The following ERBB4 variants were observed in gnomAD, a reference collection of about 807,000 sequenced individuals.
ERBB4 encodes the protein receptor tyrosine-protein kinase erbB-4.
ERBB4 carries 42 observed loss-of-function variants against 158.0 expected under a neutral mutation model. That is an observed-to-expected ratio of 0.27 (90% confidence interval 0.21 to 0.34). The LOEUF (loss-of-function observed/expected upper bound fraction) is 0.34. Among genes scored for constraint, ERBB4 ranks in the 10% least tolerant of loss-of-function variants. ERBB4 has a pLI of 1.00. For synonymous variants in ERBB4, 583 were observed against 558.7 expected, an observed-to-expected ratio of 1.04 and a Z score of -0.61; for missense variants, 1,333 against 1,624.1, an observed-to-expected ratio of 0.82 and a Z score of 3.08.
At chr2:211,887,608 A>C (rs1228230880) in intron 3 of ERBB4, among the ~76,000 whole-genome samples, 1 of 152,196 alleles carries the variant, frequency 6.6e-6, no homozygotes, top group Non-Finnish European at 1.5e-5. Flanking sequence ...ATACCTAATT[A>C]TGTTTCTTCA....
chr2:212,032,201 C>T (rs924338016), intron 2 of ERBB4, among the ~76,000 whole-genome samples: 4 of 151,974 alleles, frequency 2.6e-5, no homozygotes, highest in Admixed American at 6.6e-5. Context: ...CAGTGAGTTA[C>T]AGCTATTTAA....
chr2:212,242,153 A>G (rs1186955050), intron 1 of ERBB4, among the ~76,000 whole-genome samples: 1 of 151,912 alleles, frequency 6.6e-6, no homozygotes, highest in East Asian at 1.9e-4. Flanking sequence ...AATTTTATAT[A>G]CCTGATTTAA....
intron 1 of ERBB4, among the ~76,000 whole-genome samples, chr2:212,140,149 A>G (rs1310061171): frequency 6.6e-6 from 1 of 151,602 alleles, no homozygotes; most frequent in Non-Finnish European, 1.5e-5. Context: ...ATGCAGTTGC[A>G]TCATTTTTTA....
At chr2:211,875,050 A>AAAAAAAAAAAAAAAAAAAC (rs66500425) in intron 3 of ERBB4, among the ~76,000 whole-genome samples, 9 of 75,884 alleles carry the variant, frequency 1.2e-4, no homozygotes, top group African/African-American at 2.2e-4. Flanking sequence ...AAAAAAAAAA[A>AAAAAAAAAAAAAAAAAAAC]CAAACTCAAA....
At chr2:212,069,757 C>A (rs1035808567) in intron 2 of ERBB4, among the ~76,000 whole-genome samples, 1 of 152,032 alleles carries the variant, frequency 6.6e-6, no homozygotes, top group Middle Eastern at 3.4e-3. Context: ...AACTGTATTT[C>A]TTTATACAAG....
At chr2:212,121,626 T>C (rs2079751415) in intron 2 of ERBB4, among the ~76,000 whole-genome samples, 1 of 152,188 alleles carries the variant, frequency 6.6e-6, no homozygotes, top group African/African-American at 2.4e-5. Context: ...CCTAAATATC[T>C]CCACCATCGA....
At chr2:212,056,819 A>G (rs1386828932) in intron 2 of ERBB4, among the ~76,000 whole-genome samples, 2 of 152,218 alleles carry the variant, frequency 1.3e-5, no homozygotes, top group Admixed American at 1.3e-4. Context: ...AGCCACTGCA[A>G]AAACATGCCA....
chr2:211,556,429 T>C (rs1190675871), intron 20 of ERBB4, among the ~76,000 whole-genome samples: 1 of 152,184 alleles, frequency 6.6e-6, no homozygotes, highest in African/African-American at 2.4e-5. Flanking sequence ...CAGCACTAGA[T>C]TAAATGGATC....
chr2:212,198,015 T>G (rs2082481437), intron 1 of ERBB4, among the ~76,000 whole-genome samples: 1 of 152,152 alleles, frequency 6.6e-6, no homozygotes, highest in Non-Finnish European at 1.5e-5. Flanking sequence ...GGGATTCTTT[T>G]GAGAGCTGAG....
At chr2:211,784,719 A>G (rs982782717) in intron 4 of ERBB4, among the ~76,000 whole-genome samples, 1 of 152,214 alleles carries the variant, frequency 6.6e-6, no homozygotes, top group East Asian at 1.9e-4. Flanking sequence ...AATCCCACCA[A>G]GAAGGATTCC....
chr2:211,421,709 T>C (rs2063518188), intron 24 of ERBB4, among the ~76,000 whole-genome samples: 1 of 151,454 alleles, frequency 6.6e-6, no homozygotes, highest in Non-Finnish European at 1.5e-5. Flanking sequence ...TTACACATAA[T>C]GTTAATAAAA....
intron 20 of ERBB4, among the ~76,000 whole-genome samples, chr2:211,461,556 A>C (rs1193822950): frequency 6.6e-6 from 1 of 152,024 alleles, no homozygotes; most frequent in African/African-American, 2.4e-5. Flanking sequence ...CTCTAAGAAA[A>C]TATTTTTTCT....
At chr2:212,324,655 T>C (rs531182214) in intron 1 of ERBB4, among the ~76,000 whole-genome samples, 1 of 150,506 alleles carries the variant, frequency 6.6e-6, no homozygotes, top group African/African-American at 2.4e-5. Context: ...CTAAATCTGA[T>C]AATTAGATTT....
intron 1 of ERBB4, among the ~76,000 whole-genome samples, chr2:212,387,332 C>A (rs770923862): frequency 6.6e-6 from 1 of 152,124 alleles, no homozygotes; most frequent in African/African-American, 2.4e-5. Flanking sequence ...AGCAAGAATG[C>A]ATACAGCAGC....
intron 1 of ERBB4, among the ~76,000 whole-genome samples, chr2:212,460,812 C>T (rs1434953135): frequency 3.9e-5 from 6 of 152,066 alleles, no homozygotes; most frequent in South Asian, 2.1e-4. Flanking sequence ...AATGAGGAGT[C>T]GAATGTTAAT....
chr2:212,395,026 A>T (rs1315790566), intron 1 of ERBB4, among the ~76,000 whole-genome samples: 2 of 152,124 alleles, frequency 1.3e-5, no homozygotes, highest in Non-Finnish European at 2.9e-5. Context: ...TAAAACTTTC[A>T]CAGGTTTGCT....
intron 5 of ERBB4, among the ~76,000 whole-genome samples, chr2:211,733,625 T>C (rs2074502461): frequency 6.6e-6 from 1 of 151,320 alleles, no homozygotes; most frequent in African/African-American, 2.5e-5. Flanking sequence ...TAAATCACTG[T>C]GCATTATAAC....
At chr2:211,914,336 A>G (rs999104803) in intron 3 of ERBB4, among the ~76,000 whole-genome samples, 13 of 152,086 alleles carry the variant, frequency 8.5e-5, no homozygotes, top group Non-Finnish European at 1.6e-4. Flanking sequence ...GAAGTAAATG[A>G]AAACCTAGAA....
chr2:211,399,581 C>CAGTT (rs2062991329), intron 25 of ERBB4, among the ~76,000 whole-genome samples: 1 of 152,144 alleles, frequency 6.6e-6, no homozygotes, highest in South Asian at 2.1e-4. Context: ...CTGTCAATAT[C>CAGTT]AGTTACTATT....
Sources: allele counts gnomAD v4.1 joint callset (sites outside exome capture counted in the v4.1 genomes callset), GRCh38; gene constraint gnomAD v4.1.1; transcripts MANE v1.5; gene names NCBI Gene and HGNC (gene_info 2026-07-23, HGNC 2026-07-21).